The following RFT1 variants were observed in gnomAD, a reference collection of about 807,000 sequenced individuals.
The protein encoded by RFT1 is man(5)GlcNAc(2)-PP-dolichol translocation protein RFT1.
RFT1 carries 43 observed loss-of-function variants against 62.2 expected under a neutral mutation model. The observed-to-expected ratio is 0.69, with a 90% CI of 0.54 to 0.89. The LOEUF (loss-of-function observed/expected upper bound fraction) is 0.89, where lower values mean the gene tolerates loss of function less well. Ranked by LOEUF, RFT1 falls within the 40% of genes least tolerant of loss-of-function variation. RFT1 has a pLI of 0.00. For synonymous variants in RFT1, 262 were observed against 264.6 expected (o/e 0.99, Z 0.10); for missense variants, 605 against 649.9 (o/e 0.93, Z 0.75).
chr3:53,111,458 T>C (rs1470789603), intron 7 of RFT1, among the ~76,000 whole-genome samples: 2 of 152,074 alleles, frequency 1.3e-5, no homozygotes, highest in Non-Finnish European at 2.9e-5. Flanking sequence ...AATACTTTCA[T>C]AATAAATTCA....
At chr3:53,124,974 CA>C (rs1375059342) in intron 2 of RFT1, among the ~76,000 whole-genome samples, 1 of 151,446 alleles carries the variant, frequency 6.6e-6, no homozygotes, top group Non-Finnish European at 1.5e-5. Context: ...CCTGTCGTCT[CA>C]AAAAAAGAAA....
Position 53,091,293 on chromosome 3 carries a change from C to T in RFT1, c.*610G>A, listed in dbSNP as rs1383412277. On this transcript the variant is annotated 3_prime_UTR_variant, in exon 13 of 13. Coordinates refer to ENST00000296292, the MANE Select transcript of RFT1 (RefSeq NM_052859.4). ...GTGATCACGACAGGCAAGATTCTCC[C>T]GAACTCACTCTGGGAAATGTGATCT... The T allele has an allele frequency of 1.9e-5, 3 of 161,586 alleles. No homozygotes were observed. The highest frequency in any genetic ancestry group is 4.8e-5 in the African/African-American group (2 of 41,476). 10.0% of individuals were successfully genotyped at this position (161,586 alleles called of 1,614,324 possible).
At chr3:53,121,070 C>G (rs1356340785) in intron 5 of RFT1, among the ~76,000 whole-genome samples, 1 of 152,208 alleles carries the variant, frequency 6.6e-6, no homozygotes, top group African/African-American at 2.4e-5. Context: ...GTAAAATGTT[C>G]TGGTAACTAT....
chr3:53,086,966 G>A (rs541547906), downstream of RFT1, among the ~76,000 whole-genome samples: 2 of 152,264 alleles, frequency 1.3e-5, no homozygotes, highest in East Asian at 1.9e-4. Flanking sequence ...GGCCAGGCGC[G>A]GTGGCTCACG....
chr3:53,073,265 T>A, the RFT1 span, among the ~76,000 whole-genome samples: 1 of 152,224 alleles, frequency 6.6e-6, no homozygotes, highest in Non-Finnish European at 1.5e-5. Flanking sequence ...CTTCCCCCGT[T>A]ACAGCCTCTG....
At chr3:53,116,492 C>T (rs1477802829) in intron 6 of RFT1, among the ~76,000 whole-genome samples, 1 of 151,566 alleles carries the variant, frequency 6.6e-6, no homozygotes, top group Non-Finnish European at 1.5e-5. Context: ...CGGGTTCTTA[C>T]CATGTTTCCC....
At chr3:53,098,774 C>G (rs1452572495) in intron 11 of RFT1, among the ~76,000 whole-genome samples, 1 of 120,664 alleles carries the variant, frequency 8.3e-6, no homozygotes, top group Non-Finnish European at 1.6e-5. Context: ...TGCACTCAAG[C>G]CTGGGCGACA....
Position 53,104,296 on chromosome 3 carries a change from G to A in RFT1, c.958-199C>T, listed in dbSNP as rs563229032. On this transcript the variant is annotated intron_variant, in intron 9 of 12. Coordinates refer to ENST00000296292, the MANE Select transcript of RFT1 (RefSeq NM_052859.4). ...GAAAAAGTGTGTGTCTCCTTAGGTC[G>A]TAAGGGGGAGGGTTAGTTTTCAATT... Among the ~76,000 whole-genome samples the A allele has an allele frequency of 1.2e-4, 19 of 152,276 alleles. No individual in the cohort carries two copies. The South Asian group carries it at 1.7e-3, about 13-fold the overall frequency.
At position 53,130,338 on chromosome 3, in the gene RFT1, C is replaced by G; in HGVS notation, c.63G>C (p.Gln21His). 4 of 1,568,178 alleles carry G rather than the reference C, an allele frequency of 2.6e-6. No homozygotes were observed. Among genetic ancestry groups the G allele is most frequent in the Non-Finnish European group, 3.5e-6 (4 of 1,156,978 alleles). ...CTGGAACCTGAAGGGCAGAGAGTACCTGCAGGAGGAGACCGGAGGAGGCCA... is the reference window on the plus strand; with the variant it reads ...CTGGAACCTGAAGGGCAGAGAGTACGTGCAGGAGGAGACCGGAGGAGGCCA... ...ARLASSGLLL[Q>H]VLFRLITFVL... Residue 21 changes from glutamine to histidine, a missense_variant and splice_region_variant, in exon 1 of 13, where the codon CAG becomes CAC. Gln to His is a conservative substitution (Grantham distance 24). Coordinates refer to ENST00000296292, the MANE Select transcript of RFT1 (RefSeq NM_052859.4).
At chr3:53,074,062 G>A in the RFT1 span, among the ~76,000 whole-genome samples, 2 of 152,154 alleles carry the variant, frequency 1.3e-5, no homozygotes, top group East Asian at 3.9e-4. Flanking sequence ...AGGCTCTGGG[G>A]GATGGGCCCT....
intron 11 of RFT1, 77 bp downstream of exon 11, chr3:53,099,304 G>A (rs1415509711): frequency 8.8e-6 from 11 of 1,249,038 alleles, no homozygotes; most frequent in South Asian, 3.6e-5. Context: ...TGTTCAGAAC[G>A]AAAAGCAAAA....
At chr3:53,081,182 G>A in the RFT1 span, among the ~76,000 whole-genome samples, 13 of 152,230 alleles carry the variant, frequency 8.5e-5, no homozygotes, top group Admixed American at 3.3e-4. Flanking sequence ...GAAAGAAACG[G>A]TGACCTGAGT....
In RFT1 at chr3:53,119,925, A is replaced by G; in HGVS notation, c.655T>C (p.Ser219Pro). 5.0e-6 allele frequency: 8 copies of G among 1,612,992 alleles called. No individual in the cohort carries two copies. The highest frequency in any genetic ancestry group is 6.8e-6 in the Non-Finnish European group (8 of 1,179,358). ...TTGGGTAACAGATCTGTTATTCTGG[A>G]GACAGGAAGAGTTTGAAGCTTGGTT... ...ESTKLQTLPV[S>P]RITDLLPNIT... is the part of the protein sequence containing the mutation. Residue 219 changes from serine to proline, a missense_variant, in exon 6 of 13, where the codon TCC (serine) becomes CCC (proline). Physicochemically the swap from Ser to Pro is moderately conservative, Grantham distance 74. Transcript: ENST00000296292.
chr3:53,101,244 G>A (rs1333791674), intron 10 of RFT1, among the ~76,000 whole-genome samples: 1 of 152,202 alleles, frequency 6.6e-6, no homozygotes, highest in Non-Finnish European at 1.5e-5. Context: ...GCTGCAGGAA[G>A]TAGCCTGGCC....
chr3:53,130,435 C>G lies in RFT1; in HGVS notation c.-35G>C. 1 of 1,548,038 alleles carries G rather than the reference C, an allele frequency of 6.5e-7. No individual in the cohort carries two copies. Among genetic ancestry groups the G allele is most frequent in the South Asian group, 1.2e-5 (1 of 84,012 alleles). ...GCCAGGCTCAGACACCAGGAAATGC[C>G]GCCGCCACTCCGTTTAGTCGCGATA... On this transcript the variant is annotated 5_prime_UTR_variant, in exon 1 of 13. Transcript: ENST00000296292.
chr3:53,091,943 G>A lies in RFT1; in HGVS notation c.1586C>T (p.Thr529Ile). The A allele has an allele frequency of 6.2e-7, 1 of 1,614,254 alleles. No individual in the cohort carries two copies. Residue 529 changes from threonine to isoleucine, a missense_variant, in exon 13 of 13, where the codon ACT becomes ATT. Transcript: ENST00000296292. ...AGTGCGTCTGGGCACACCTAACTGA[G>A]TCCTGAGGAAATGGATCAGCTTGGT... is the stretch of plus-strand genomic sequence containing the variant. ...TETKLIHFLRTQLGVPRRTDK... is the reference protein window; with the variant it reads ...TETKLIHFLRIQLGVPRRTDK...
Position 53,123,813 on chromosome 3 carries a change from G to A in RFT1, c.177C>T (p.Leu59=), listed in dbSNP as rs377092395. Residue 59 remains leucine (L), a synonymous_variant, in exon 3 of 13, where the codon CTC becomes CTT. Coordinates refer to ENST00000296292, the MANE Select transcript of RFT1 (RefSeq NM_052859.4). ...TGCGGAAGGCCTCTCTGGCCAGGAA[G>A]AGGGTGGTTGAGTAAAGCAGCGTTA... ...VRLTLLYSTT[L]FLAREAFRRA... is the part of the protein sequence containing the mutation. The A allele has an allele frequency of 3.7e-6, 6 of 1,614,086 alleles. No individual in the cohort carries two copies. Among genetic ancestry groups the A allele is most frequent in the African/African-American group, 1.3e-5 (1 of 74,950 alleles).
chr3:53,106,721 C>A (rs1701485928), intron 8 of RFT1, 98 bp downstream of exon 8: 5 of 911,814 alleles, frequency 5.5e-6, no homozygotes, highest in Non-Finnish European at 8.8e-6. Context: ...CTTTAATCTT[C>A]AGGTTCATCT....
At chr3:53,077,949 C>G in the RFT1 span, 1 of 152,264 alleles carries the variant, frequency 6.6e-6, no homozygotes, top group Non-Finnish European at 1.5e-5. Flanking sequence ...ATGTGGAACC[C>G]AGGCGATCTG....
Sources: gnomAD v4.1 joint callset for allele counts (sites outside exome capture counted in the v4.1 genomes callset) on GRCh38, gnomAD v4.1.1 for gene constraint, MANE v1.5 for transcripts, NCBI Gene and HGNC (gene_info 2026-07-23, HGNC 2026-07-21) for gene names.